CSMD1: variants seen among roughly 807,000 people sequenced by gnomAD.
CSMD1 encodes CUB and Sushi multiple domains 1, also known as CUB and sushi domain-containing protein 1.
Under a neutral mutation model 417.5 loss-of-function variants are expected in CSMD1, and 213 were observed. The ratio of observed to expected loss-of-function variants is 0.51; its 90% CI spans 0.46 to 0.57. The LOEUF (loss-of-function observed/expected upper bound fraction) is 0.57, where lower values mean the gene tolerates loss of function less well. CSMD1 is among the 20% of genes least tolerant of loss of function. The probability of loss-of-function intolerance (pLI) is 0.00; values close to 1 mark genes in which losing one functional copy is unlikely to be tolerated. For synonymous variants in CSMD1, 2,862 were observed against 1,736.8 expected (o/e 1.65, Z -16.11); for missense variants, 6,923 against 4,529.7 (o/e 1.53, Z -15.17).
chr8:4,453,809 C>T (rs1319818429), intron 2 of CSMD1, among the ~76,000 whole-genome samples: 1 of 108,978 alleles, frequency 9.2e-6, no homozygotes, highest in East Asian at 2.6e-4. Flanking sequence ...TTGCGCAATT[C>T]GTTTCTTTTT....
chr8:4,589,046 A>G lies in CSMD1; in HGVS notation c.302+48296T>C, dbSNP rs149532997. Among the ~76,000 whole-genome samples, 862 of 152,262 alleles carry G rather than the reference A, an allele frequency of 5.7e-3. 10 individuals are homozygous for G. The highest frequency in any genetic ancestry group is 0.02 in the African/African-American group (824 of 41,538). On this transcript the variant is annotated intron_variant, in intron 2 of 69. Coordinates refer to ENST00000635120, the MANE Select transcript of CSMD1 (RefSeq NM_033225.6). ...AACGTGTACTACATGCACATTATAT[A>G]ATGTGTAATAGTGTAAAAATAGAAA...
At chr8:3,559,124 G>A (rs1799356612) in intron 10 of CSMD1, among the ~76,000 whole-genome samples, 1 of 152,214 alleles carries the variant, frequency 6.6e-6, no homozygotes, top group Non-Finnish European at 1.5e-5. Flanking sequence ...CAACGCTGTT[G>A]AAATACAGGT....
At chr8:3,621,523 G>A (rs919169931) in intron 7 of CSMD1, among the ~76,000 whole-genome samples, 1 of 152,128 alleles carries the variant, frequency 6.6e-6, no homozygotes, top group East Asian at 1.9e-4. Context: ...ATGAATAGTG[G>A]TGATGGATGT....
At chr8:3,770,715 A>G (rs1798519764) in intron 5 of CSMD1, among the ~76,000 whole-genome samples, 2 of 151,998 alleles carry the variant, frequency 1.3e-5, no homozygotes, top group African/African-American at 2.4e-5. Flanking sequence ...CACTGTAACC[A>G]TGATGGTAGC....
At chr8:4,661,619 G>A (rs1804612667) in intron 1 of CSMD1, among the ~76,000 whole-genome samples, 1 of 152,106 alleles carries the variant, frequency 6.6e-6, no homozygotes, top group Non-Finnish European at 1.5e-5. Flanking sequence ...GGCTTTGCAA[G>A]ATGTTACCGT....
intron 5 of CSMD1, among the ~76,000 whole-genome samples, chr8:3,885,270 A>G (rs1806481194): frequency 6.6e-6 from 1 of 152,162 alleles, no homozygotes; most frequent in Non-Finnish European, 1.5e-5. Context: ...CTAGCATCAG[A>G]CAGGTGTGAG....
At chr8:4,871,266 T>A (rs1379890379) in intron 1 of CSMD1, among the ~76,000 whole-genome samples, 2 of 152,160 alleles carry the variant, frequency 1.3e-5, no homozygotes, top group African/African-American at 2.4e-5. Flanking sequence ...GCCCATTTTC[T>A]TAGGAAATTT....
intron 1 of CSMD1, among the ~76,000 whole-genome samples, chr8:4,752,225 AT>A (rs923144640): frequency 3.3e-5 from 5 of 152,038 alleles, no homozygotes; most frequent in East Asian, 3.9e-4. Context: ...TCATATCTTA[AT>A]TTTTTTGTCT....
rs539504438 is a variant in CSMD1, at chr8:4,458,116, C to G, written c.303-38051G>C. 1.3e-4 allele frequency among the ~76,000 whole-genome samples: 19 copies of G among 151,486 alleles called. No individual in the cohort carries two copies. The South Asian group carries it at 3.5e-3, about 28-fold the overall frequency. ...ATACTTAATATTTCTTTACATGAAA[C>G]TTTCTGTGTTTAAATTACTTTATGG... On this transcript the variant is annotated intron_variant, in intron 2 of 69. Transcript: ENST00000635120.
chr8:4,774,944 A>T (rs934403649), intron 1 of CSMD1, among the ~76,000 whole-genome samples: 5 of 152,202 alleles, frequency 3.3e-5, no homozygotes, highest in Non-Finnish European at 5.9e-5. Context: ...TACAGCCTGC[A>T]AAACCTTGAG....
chr8:3,486,344 A>C (rs1443206072), intron 11 of CSMD1, among the ~76,000 whole-genome samples: 3 of 152,198 alleles, frequency 2.0e-5, no homozygotes, highest in Non-Finnish European at 4.4e-5. Flanking sequence ...GGAGTCAGGG[A>C]TGGTGCACTG....
chr8:3,949,464 T>A (rs565160430), intron 5 of CSMD1, among the ~76,000 whole-genome samples: 1 of 152,302 alleles, frequency 6.6e-6, no homozygotes, highest in East Asian at 1.9e-4. Context: ...GGATACATTT[T>A]AAGCACCAAT....
intron 3 of CSMD1, among the ~76,000 whole-genome samples, chr8:4,147,617 G>C (rs577587932): frequency 1.3e-5 from 2 of 152,134 alleles, no homozygotes; most frequent in Non-Finnish European, 2.9e-5. Context: ...AATGCAGCTG[G>C]ACATGTGGCA....
chr8:3,424,861 A>C (rs1218611643), intron 12 of CSMD1, among the ~76,000 whole-genome samples: 1 of 152,160 alleles, frequency 6.6e-6, no homozygotes, highest in Non-Finnish European at 1.5e-5. Flanking sequence ...TTTATTTGAG[A>C]CAGGGTCTTA....
At chr8:3,666,739 A>G (rs961828336) in intron 7 of CSMD1, among the ~76,000 whole-genome samples, 8 of 152,140 alleles carry the variant, frequency 5.3e-5, no homozygotes, top group Admixed American at 5.2e-4. Flanking sequence ...CTTGGCTCTC[A>G]TTCTGTCTTC....
chr8:4,292,917 T>G (rs1202333340), intron 3 of CSMD1, among the ~76,000 whole-genome samples: 1 of 152,184 alleles, frequency 6.6e-6, no homozygotes, highest in Non-Finnish European at 1.5e-5. Context: ...TGCAAATTCA[T>G]GGATAGTATT....
chr8:3,149,892 T>C (rs1819087096), intron 40 of CSMD1, among the ~76,000 whole-genome samples: 1 of 152,216 alleles, frequency 6.6e-6, no homozygotes, highest in African/African-American at 2.4e-5. Flanking sequence ...TCTCTCATTC[T>C]CTGATGTTAA....
chr8:3,415,292 G>A (rs187411617), intron 12 of CSMD1, among the ~76,000 whole-genome samples: 6 of 152,164 alleles, frequency 3.9e-5, no homozygotes, highest in Non-Finnish European at 7.4e-5. Context: ...CAATTTTCAA[G>A]AATATAATAC....
At chr8:4,376,612 G>T (rs927434632) in intron 3 of CSMD1, among the ~76,000 whole-genome samples, 1 of 151,980 alleles carries the variant, frequency 6.6e-6, no homozygotes, top group Admixed American at 6.6e-5. Flanking sequence ...TTTTAGGGGG[G>T]AATTAAATAA....
Sources: allele counts gnomAD v4.1 joint callset (sites outside exome capture counted in the v4.1 genomes callset), GRCh38; gene constraint gnomAD v4.1.1; transcripts MANE v1.5; gene names NCBI Gene and HGNC (gene_info 2026-07-23, HGNC 2026-07-21).